The following EIF3E variants were observed in gnomAD, a reference collection of about 807,000 sequenced individuals.
EIF3E encodes eIF-3 p48.
EIF3E carries 25 observed loss-of-function variants against 59.3 expected under a neutral mutation model. The ratio of observed to expected loss-of-function variants is 0.42; its 90% CI spans 0.31 to 0.59. The LOEUF is 0.59. Ranked by LOEUF, EIF3E falls within the 20% of genes least tolerant of loss-of-function variation. The probability of loss-of-function intolerance (pLI) is 0.15; values close to 1 mark genes in which losing one functional copy is unlikely to be tolerated. For synonymous variants in EIF3E, 176 were observed against 170.2 expected (o/e 1.03, Z -0.26); for missense variants, 317 against 534.3 (o/e 0.59, Z 4.01).
chr8:108,247,734 T>C (rs978263941), intron 1 of EIF3E, among the ~76,000 whole-genome samples: 1 of 152,220 alleles, frequency 6.6e-6, no homozygotes, highest in African/African-American at 2.4e-5. Context: ...CACTTATTTT[T>C]CTGAAAAAAT....
intron 10 of EIF3E, among the ~76,000 whole-genome samples, chr8:108,206,799 T>C (rs780391603): frequency 6.6e-6 from 1 of 152,148 alleles, no homozygotes; most frequent in Non-Finnish European, 1.5e-5. Flanking sequence ...CAAGATCCTG[T>C]GTCTTTATAA....
At chr8:108,242,782 G>A in intron 1 of EIF3E, 1 of 532,252 alleles carries the variant, frequency 1.9e-6, no homozygotes. Flanking sequence ...ATGGCCAACA[G>A]ACACATGAAA....
intron 5 of EIF3E, chr8:108,234,592 T>C (rs1304805857): frequency 6.6e-6 from 1 of 152,224 alleles, no homozygotes; most frequent in African/African-American, 2.4e-5. Context: ...TAGAGCCAAG[T>C]TCAAGGAGTA....
At chr8:108,233,608 G>A in intron 5 of EIF3E, 1 of 365,316 alleles carries the variant, frequency 2.7e-6, no homozygotes, top group Non-Finnish European at 5.6e-6. Flanking sequence ...TTGAAAGGCT[G>A]AGGAGGGAGG....
rs927297897 is a variant in EIF3E, at chr8:108,235,070, T to C, written c.399A>G (p.Arg133=). 5 of 1,581,912 alleles carry C rather than the reference T, an allele frequency of 3.2e-6. No individual in the cohort carries two copies. Among genetic ancestry groups the C allele is most frequent in the African/African-American group, 2.8e-5 (2 of 72,666 alleles). Residue 133 remains arginine, a synonymous_variant, in exon 5 of 13, where the codon AGA becomes AGG. Coordinates refer to ENST00000220849, the MANE Select transcript of EIF3E (RefSeq NM_001568.3). The part of the protein sequence containing the change: ...FRQEYLDTLY[R]YAKFQYECGN... ...CACATTCGTACTGGAATTTTGCATA[T>C]CTGTAGAGTGTATCTAAATATTCCT...
chr8:108,246,730 C>T (rs1175765605), intron 1 of EIF3E, among the ~76,000 whole-genome samples: 2 of 152,138 alleles, frequency 1.3e-5, no homozygotes, highest in Admixed American at 6.5e-5. Flanking sequence ...TCCTTTTACT[C>T]CTCCTCCTCA....
intron 10 of EIF3E, among the ~76,000 whole-genome samples, chr8:108,213,436 G>A (rs1313798648): frequency 2.0e-5 from 3 of 152,090 alleles, no homozygotes; most frequent in Non-Finnish European, 4.4e-5. Flanking sequence ...GCAAAAAAAA[G>A]GGTCAGCTTT....
In EIF3E at chr8:108,201,792, T is replaced by C. The variant is rs1206493749; in HGVS notation, c.*93A>G. 9.4e-7 allele frequency: 1 copy of C among 1,059,424 alleles called. No individual in the cohort carries two copies. Among genetic ancestry groups the C allele is most frequent in the Non-Finnish European group, 1.3e-6 (1 of 787,756 alleles). The allele number at this position is 1,059,424 out of a possible 1,614,324, so 65.6% of individuals were successfully genotyped here. A position where few individuals can be genotyped will look rare whatever the true frequency, so the allele number is the denominator to read the frequency against. On this transcript the variant is annotated 3_prime_UTR_variant, in exon 13 of 13. Transcript: ENST00000220849. ...TTCTTCAAAATTTATACGTAATATG[T>C]TGTTTCCAAAATGTAAGTCACCCTT...
chr8:108,211,496 C>G (rs1310548989), intron 10 of EIF3E, among the ~76,000 whole-genome samples: 2 of 152,024 alleles, frequency 1.3e-5, no homozygotes, highest in African/African-American at 4.8e-5. Flanking sequence ...GATATTAGCC[C>G]TTTGTCAGAT....
Position 108,209,922 on chromosome 8 carries a change from C to G in EIF3E, c.1061+4685G>C, listed in dbSNP as rs190907369. ...TGTATCAACATCAACATCCTGGCTG[C>G]TATATTTTACTGTGGTTTTGCAAGA... On this transcript the variant is annotated intron_variant, in intron 10 of 12. Coordinates refer to ENST00000220849, the MANE Select transcript of EIF3E (RefSeq NM_001568.3). Among the ~76,000 whole-genome samples the G allele has an allele frequency of 7.2e-5, 11 of 151,976 alleles. 1 individual carries two copies. The highest frequency in any genetic ancestry group is 6.5e-4 in the Admixed American group (10 of 15,276).
chr8:108,234,685 C>G, intron 5 of EIF3E: 1 of 173,760 alleles, frequency 5.8e-6, no homozygotes, highest in Non-Finnish European at 1.2e-5. Flanking sequence ...GTGCCACTCA[C>G]TGTGCTGTAT....
rs1399734909 is a variant in EIF3E at position 108,214,784 on chromosome 8, C to T, written c.952-68G>A. ...AATTGCCTGAAACGTGAATCAAATACTTTATCTGCTTTATTTTTCCATTCT... is the reference window on the plus strand; with the variant it reads ...AATTGCCTGAAACGTGAATCAAATATTTTATCTGCTTTATTTTTCCATTCT... On this transcript the variant is annotated intron_variant, in intron 9 of 12. Coordinates refer to ENST00000220849, the MANE Select transcript of EIF3E (RefSeq NM_001568.3). 7 of 1,294,946 alleles carry T rather than the reference C, an allele frequency of 5.4e-6. No individual in the cohort carries two copies. The African/African-American group carries it at 1.1e-4, about 20-fold the overall frequency. 80.2% of individuals were successfully genotyped at this position (1,294,946 alleles called of 1,614,324 possible).
intron 7 of EIF3E, among the ~76,000 whole-genome samples, chr8:108,226,657 T>G (rs552019425): frequency 6.6e-6 from 1 of 152,308 alleles, no homozygotes; most frequent in African/African-American, 2.4e-5. Flanking sequence ...CTTTAATGTT[T>G]GAGGAGGAAG....
At chr8:108,221,516 G>A (rs549055421) in intron 7 of EIF3E, 8 of 152,198 alleles carry the variant, frequency 5.3e-5, no homozygotes, top group South Asian at 2.1e-4. Context: ...ACTTTGCTTT[G>A]TAATTCCTAC....
At chr8:108,242,282 T>TC (rs1453915729) in intron 1 of EIF3E, 16 of 1,291,124 alleles carry the variant, frequency 1.2e-5, no homozygotes, top group Non-Finnish European at 1.5e-5. Flanking sequence ...AGCTGTCACT[T>TC]CTCCACATCC....
intron 1 of EIF3E, chr8:108,242,612 C>A: frequency 1.7e-6 from 2 of 1,164,008 alleles, no homozygotes; most frequent in Middle Eastern, 4.0e-4. Flanking sequence ...TTTCACTGCC[C>A]ACAAAAAATA....
intron 3 of EIF3E, among the ~76,000 whole-genome samples, chr8:108,238,811 G>A (rs75058406): frequency 0.048 from 7,272 of 152,178 alleles, 328 homozygotes; most frequent in African/African-American, 0.12. Context: ...GGTATAGCAC[G>A]GCAAAATATC....
intron 3 of EIF3E, among the ~76,000 whole-genome samples, chr8:108,239,152 G>T (rs1815791050): frequency 1.3e-5 from 2 of 152,070 alleles, no homozygotes; most frequent in Non-Finnish European, 2.9e-5. Context: ...GTGTTCTAAG[G>T]TTCTAGGTAT....
In EIF3E at chr8:108,201,640, G is replaced by GACTT; in HGVS notation, c.*241_*244dup. On this transcript the variant is annotated 3_prime_UTR_variant, in exon 13 of 13. Coordinates refer to ENST00000220849, the MANE Select transcript of EIF3E (RefSeq NM_001568.3). ...AGGGAAACAGGGTTCAGCCTACAGG[G>GACTT]ACTTCTCTGTACTATTTTTGCAAAT... is the stretch of plus-strand genomic sequence containing the variant. 1 of 311,836 alleles carries GACTT rather than the reference G, an allele frequency of 3.2e-6. No homozygotes were observed. Among genetic ancestry groups the GACTT allele is most frequent in the East Asian group, 5.6e-5 (1 of 17,782 alleles). 19.3% of individuals were successfully genotyped at this position (311,836 alleles called of 1,614,324 possible). A position where few individuals can be genotyped will look rare whatever the true frequency, so the allele number is the denominator to read the frequency against.
Sources: allele counts gnomAD v4.1 joint callset (sites outside exome capture counted in the v4.1 genomes callset), GRCh38; gene constraint gnomAD v4.1.1; transcripts MANE v1.5; gene names NCBI Gene and HGNC (gene_info 2026-07-23, HGNC 2026-07-21).